Variants in LYPD6B observed in about 807,000 individuals in gnomAD.
LYPD6B encodes the protein ly6/PLAUR domain-containing protein 6B.
Under a neutral mutation model 22.8 loss-of-function variants are expected in LYPD6B, and 17 were observed. The observed-to-expected ratio is 0.75, with a 90% confidence interval of 0.51 to 1.12. LYPD6B has a LOEUF of 1.12. LYPD6B is among the 50% of genes most tolerant of loss of function. The pLI is 0.00. For synonymous variants in LYPD6B, 106 were observed against 91.6 expected (o/e 1.16, Z -0.90); for missense variants, 221 against 258.3 (o/e 0.86, Z 0.99).
intron 1 of LYPD6B, among the ~76,000 whole-genome samples, chr2:149,058,879 C>A (rs1417860587): frequency 1.3e-5 from 2 of 152,228 alleles, no homozygotes; most frequent in Non-Finnish European, 2.9e-5. Context: ...CCTAGCCTCC[C>A]AAAGTGCTGG....
intron 3 of LYPD6B, among the ~76,000 whole-genome samples, chr2:149,180,467 G>A (rs1691634880): frequency 6.6e-6 from 1 of 152,212 alleles, no homozygotes; most frequent in Non-Finnish European, 1.5e-5. Context: ...GGTGGTGGAG[G>A]TGGATTTTTA....
intron 3 of LYPD6B, among the ~76,000 whole-genome samples, chr2:149,175,053 C>CTG (rs1347438901): frequency 8.5e-4 from 114 of 133,954 alleles, no homozygotes; most frequent in Non-Finnish European, 1.2e-3. Flanking sequence ...CTCTCTCTCT[C>CTG]TCTCTCTCTG....
At chr2:149,109,040 T>C (rs1365273948) in intron 1 of LYPD6B, among the ~76,000 whole-genome samples, 1 of 152,170 alleles carries the variant, frequency 6.6e-6, no homozygotes, top group Non-Finnish European at 1.5e-5. Flanking sequence ...CACAATACAT[T>C]CTTGTTTTTG....
At chr2:149,129,936 G>A (rs1038683280) in intron 1 of LYPD6B, among the ~76,000 whole-genome samples, 3 of 152,194 alleles carry the variant, frequency 2.0e-5, no homozygotes, top group Non-Finnish European at 4.4e-5. Flanking sequence ...AGGTATATAC[G>A]CAGGTGCCTG....
At chr2:149,125,010 T>C (rs2105642802) in intron 1 of LYPD6B, among the ~76,000 whole-genome samples, 1 of 152,338 alleles carries the variant, frequency 6.6e-6, no homozygotes, top group African/African-American at 2.4e-5. Flanking sequence ...CTGTGATTTA[T>C]TATTTTCTAA....
intron 1 of LYPD6B, among the ~76,000 whole-genome samples, chr2:149,059,972 A>G (rs1402702642): frequency 1.3e-5 from 2 of 151,884 alleles, no homozygotes; most frequent in East Asian, 3.9e-4. Flanking sequence ...GATTTGGTAA[A>G]CTGTAGGCTC....
chr2:149,083,958 A>C (rs985234592), intron 1 of LYPD6B, among the ~76,000 whole-genome samples: 1 of 47,042 alleles, frequency 2.1e-5, no homozygotes, highest in African/African-American at 7.6e-5. Context: ...CAAAACAAAC[A>C]AAAAAAAACC....
intron 1 of LYPD6B, among the ~76,000 whole-genome samples, chr2:149,079,080 A>G (rs996555472): frequency 1.8e-4 from 27 of 151,680 alleles, no homozygotes; most frequent in African/African-American, 6.5e-4. Flanking sequence ...TCAAATTAAA[A>G]AAAAAAAAAA....
intron 2 of LYPD6B, among the ~76,000 whole-genome samples, chr2:149,158,445 A>G (rs1318828792): frequency 6.6e-6 from 1 of 152,226 alleles, no homozygotes; most frequent in East Asian, 1.9e-4. Flanking sequence ...GTATGATTCC[A>G]TTTATATGAC....
intron 3 of LYPD6B, among the ~76,000 whole-genome samples, chr2:149,198,502 A>G (rs1331794776): frequency 6.6e-6 from 1 of 152,218 alleles, no homozygotes; most frequent in Non-Finnish European, 1.5e-5. Flanking sequence ...TTTGAATCAC[A>G]TTTAAAAAGA....
chr2:149,126,719 G>A (rs1459497450), intron 1 of LYPD6B, among the ~76,000 whole-genome samples: 9 of 152,130 alleles, frequency 5.9e-5, no homozygotes, highest in East Asian at 1.9e-4. Flanking sequence ...GGGATATAGG[G>A]TGTCTCTGCA....
intron 3 of LYPD6B, among the ~76,000 whole-genome samples, chr2:149,162,613 A>T (rs1356043213): frequency 6.6e-6 from 1 of 152,182 alleles, no homozygotes; most frequent in African/African-American, 2.4e-5. Flanking sequence ...AAGTAGTTCA[A>T]GATCGTTAAA....
intron 3 of LYPD6B, among the ~76,000 whole-genome samples, chr2:149,176,511 A>G (rs1691319024): frequency 6.6e-6 from 1 of 151,828 alleles, no homozygotes; most frequent in African/African-American, 2.4e-5. Flanking sequence ...AAGGAATAAA[A>G]CCTCCATTGA....
chr2:149,129,603 G>A (rs930794771), intron 1 of LYPD6B, among the ~76,000 whole-genome samples: 1 of 152,188 alleles, frequency 6.6e-6, no homozygotes, highest in African/African-American at 2.4e-5. Context: ...CCTCAGTTGT[G>A]TACTAGCCAA....
chr2:149,096,580 A>C (rs191277669), intron 1 of LYPD6B, among the ~76,000 whole-genome samples: 8 of 152,314 alleles, frequency 5.3e-5, no homozygotes, highest in Admixed American at 1.3e-4. Flanking sequence ...CTCTGTTGTA[A>C]GTCCCAGTTT....
chr2:149,101,760 G>C (rs1485971706), intron 1 of LYPD6B, among the ~76,000 whole-genome samples: 5 of 152,228 alleles, frequency 3.3e-5, no homozygotes, highest in Admixed American at 6.5e-5. Flanking sequence ...CCTCAGAGTA[G>C]GTCAGACTTT....
At chr2:149,082,523 A>G (rs1033335743) in intron 1 of LYPD6B, among the ~76,000 whole-genome samples, 4 of 152,208 alleles carry the variant, frequency 2.6e-5, no homozygotes, top group Admixed American at 1.3e-4. Flanking sequence ...TGCTTTTTCT[A>G]GCAAAGATGA....
chr2:149,049,240 C>T (rs562571069), intron 1 of LYPD6B, among the ~76,000 whole-genome samples: 1 of 152,298 alleles, frequency 6.6e-6, no homozygotes, highest in Non-Finnish European at 1.5e-5. Context: ...TTCAATGACT[C>T]TCTCATCATT....
At chr2:149,076,349 A>G (rs959204907) in intron 1 of LYPD6B, among the ~76,000 whole-genome samples, 5 of 152,212 alleles carry the variant, frequency 3.3e-5, no homozygotes, top group African/African-American at 1.2e-4. Flanking sequence ...AGAATGCAGC[A>G]TATAATAAGA....
Sources: allele counts gnomAD v4.1 joint callset (sites outside exome capture counted in the v4.1 genomes callset), GRCh38; gene constraint gnomAD v4.1.1; transcripts MANE v1.5; gene names NCBI Gene and HGNC (gene_info 2026-07-23, HGNC 2026-07-21).